The following CIMIP4 variants were observed in gnomAD, a reference collection of about 807,000 sequenced individuals.
CIMIP4 encodes the protein ciliary microtubule inner protein 4.
the CIMIP4 span, among the ~76,000 whole-genome samples, chr22:36,998,566 T>C: frequency 6.6e-6 from 1 of 152,172 alleles, no homozygotes; most frequent in Non-Finnish European, 1.5e-5. Context: ...AACAGGATCA[T>C]AGCTAGGGAG....
the CIMIP4 span, among the ~76,000 whole-genome samples, chr22:36,996,342 G>A: frequency 6.6e-6 from 1 of 151,892 alleles, no homozygotes; most frequent in Non-Finnish European, 1.5e-5. Context: ...CTGGATACGA[G>A]ATTAATATAC....
At chr22:36,996,168 C>G in the CIMIP4 span, among the ~76,000 whole-genome samples, 1 of 151,994 alleles carries the variant, frequency 6.6e-6, no homozygotes, top group Non-Finnish European at 1.5e-5. Context: ...GCATTTACCA[C>G]ATGGGATTCA....
the CIMIP4 span, among the ~76,000 whole-genome samples, chr22:36,998,187 T>C: frequency 2.9e-4 from 44 of 152,326 alleles, no homozygotes; most frequent in African/African-American, 9.6e-4. Context: ...CAAAGTTGTA[T>C]GGAATAGCTA....
At chr22:36,991,704 G>T in the CIMIP4 span, 9 of 908,360 alleles carry the variant, frequency 9.9e-6, 1 homozygote, top group Non-Finnish European at 3.6e-6. Context: ...GGAACGGAAG[G>T]AGAGTGGGAA....
the CIMIP4 span, chr22:37,007,492 C>T: frequency 1.3e-5 from 2 of 152,244 alleles, no homozygotes; most frequent in Non-Finnish European, 2.9e-5. Flanking sequence ...CACGGCAGCT[C>T]TGTACGTCCC....
chr22:37,004,709 A>C, the CIMIP4 span, among the ~76,000 whole-genome samples: 1 of 148,966 alleles, frequency 6.7e-6, no homozygotes, highest in African/African-American at 2.5e-5. Context: ...TTTTTTTGAG[A>C]CAGGGTCTTA....
chr22:37,005,204 T>G, the CIMIP4 span, among the ~76,000 whole-genome samples: 1 of 152,264 alleles, frequency 6.6e-6, no homozygotes. Flanking sequence ...AGCTTGAAAG[T>G]GGATCCTTCC....
the CIMIP4 span, among the ~76,000 whole-genome samples, chr22:36,995,509 A>G: frequency 1.3e-5 from 2 of 152,196 alleles, no homozygotes; most frequent in African/African-American, 4.8e-5. Context: ...GCCATCCCAC[A>G]TGGTTCCCCC....
At chr22:36,999,881 T>A in the CIMIP4 span, 5 of 1,613,924 alleles carry the variant, frequency 3.1e-6, no homozygotes, top group East Asian at 6.7e-5. Flanking sequence ...GAGGTCATAG[T>A]AGTCTGAGAA....
the CIMIP4 span, among the ~76,000 whole-genome samples, chr22:36,995,669 G>T: frequency 4.6e-5 from 7 of 152,162 alleles, no homozygotes; most frequent in African/African-American, 1.4e-4. Flanking sequence ...TTCCATGGTA[G>T]TGAATAAATT....
At chr22:36,991,732 C>T in the CIMIP4 span, 1 of 702,224 alleles carries the variant, frequency 1.4e-6, no homozygotes, top group Non-Finnish European at 2.4e-6. Context: ...AAAGTAAAGT[C>T]GTTTGGGTTC....
chr22:37,002,225 C>T, the CIMIP4 span: 1 of 1,459,018 alleles, frequency 6.9e-7, no homozygotes, highest in Non-Finnish European at 9.1e-7. Flanking sequence ...GTCCAAGGAA[C>T]TGTAGGCCGC....
chr22:36,991,196 T>A, the CIMIP4 span: 15 of 1,614,166 alleles, frequency 9.3e-6, no homozygotes, highest in Non-Finnish European at 1.3e-5. Context: ...TTGGAGCTCT[T>A]GGATTTGCTG....
the CIMIP4 span, chr22:36,999,821 C>A: frequency 3.1e-6 from 5 of 1,607,556 alleles, no homozygotes; most frequent in East Asian, 6.7e-5. Flanking sequence ...ACGGCCCCAC[C>A]CTTGCCCTTT....
the CIMIP4 span, among the ~76,000 whole-genome samples, chr22:36,997,463 A>G: frequency 6.6e-6 from 1 of 152,180 alleles, no homozygotes; most frequent in Non-Finnish European, 1.5e-5. Flanking sequence ...TCTGCCTTAT[A>G]CAAATATCCA....
chr22:37,001,939 G>T, the CIMIP4 span: 1 of 1,613,810 alleles, frequency 6.2e-7, no homozygotes, highest in East Asian at 2.2e-5. Flanking sequence ...TGCTCCTCTG[G>T]TCCTGAGCCC....
the CIMIP4 span, among the ~76,000 whole-genome samples, chr22:36,996,242 G>T: frequency 6.6e-6 from 1 of 151,910 alleles, no homozygotes; most frequent in Non-Finnish European, 1.5e-5. Context: ...TAAATACTAT[G>T]CATAAATGTA....
chr22:37,004,693 C>CT, the CIMIP4 span, among the ~76,000 whole-genome samples: 65,683 of 146,078 alleles, frequency 0.45, 14,628 homozygotes, highest in Middle Eastern at 0.54. Context: ...TGTGATCTTT[C>CT]TTTTTTTTTT....
chr22:37,002,896 G>A, the CIMIP4 span, among the ~76,000 whole-genome samples: 217 of 152,178 alleles, frequency 1.4e-3, 2 homozygotes, highest in African/African-American at 5.0e-3. Flanking sequence ...CACCATCCCA[G>A]CCACCTCCCA....
Sources: gnomAD v4.1 joint callset for allele counts (sites outside exome capture counted in the v4.1 genomes callset) on GRCh38, gnomAD v4.1.1 for gene constraint, MANE v1.5 for transcripts, NCBI Gene and HGNC (gene_info 2026-07-23, HGNC 2026-07-21) for gene names.